The following CHEK1 variants were observed in gnomAD, a reference collection of about 807,000 sequenced individuals.
CHEK1 encodes serine/threonine-protein kinase Chk1.
A neutral mutation model predicts 60.2 loss-of-function variants in CHEK1; 32 were observed. The ratio of observed to expected loss-of-function variants is 0.53; its 90% CI spans 0.40 to 0.71. The LOEUF is 0.71. Among genes scored for constraint, CHEK1 ranks in the 30% least tolerant of loss-of-function variants. CHEK1 has a pLI of 0.00. For missense variants in CHEK1, 399 were observed against 564.6 expected (o/e 0.71, Z 2.97); for synonymous variants, 179 against 187.2 (o/e 0.96, Z 0.36).
chr11:125,670,150 C>T (rs761884136), intron 13 of CHEK1, among the ~76,000 whole-genome samples: 14 of 152,194 alleles, frequency 9.2e-5, no homozygotes, highest in African/African-American at 1.4e-4. Flanking sequence ...AATTATTGCA[C>T]TTCTTAGTAC....
Position 125,635,832 on chromosome 11 carries a change from C to T in CHEK1, c.718+299C>T, listed in dbSNP as rs191096046. On this transcript the variant is annotated intron_variant, in intron 7 of 12. Transcript: ENST00000438015. ...TGCTATACTTTGTTGCAAATACACT[C>T]GTTTGTTGCTTAATTATAGGGATGC... The T allele has an allele frequency of 8.8e-4, 154 of 174,958 alleles. 2 individuals are homozygous for T. The highest frequency in any genetic ancestry group is 4.9e-3 in the Middle Eastern group (2 of 412). The allele number at this position is 174,958 out of a possible 1,614,324, so 10.8% of individuals were successfully genotyped here.
intron 8 of CHEK1, among the ~76,000 whole-genome samples, chr11:125,642,132 T>G (rs905886413): frequency 3.3e-5 from 5 of 152,230 alleles, no homozygotes; most frequent in Admixed American, 2.6e-4. Context: ...CCCATGGGAC[T>G]TATTTGCATG....
rs1450148898 is a variant in CHEK1, at chr11:125,656,013, T to C, written c.*693T>C. 1 of 209,914 alleles carries C rather than the reference T, an allele frequency of 4.8e-6. No individual in the cohort carries two copies. Among genetic ancestry groups the C allele is most frequent in the East Asian group, 7.3e-5 (1 of 13,750 alleles). The allele number at this position is 209,914 out of a possible 1,614,324, so 13.0% of individuals were successfully genotyped here. On this transcript the variant is annotated 3_prime_UTR_variant, in exon 13 of 13. Transcript: ENST00000438015. Reference sequence around the variant, plus strand: ...ATCTTAAATATTTTTCTATATTTTCTACTTTCATAGCCATATTTTAACCTT... The same window carrying C: ...ATCTTAAATATTTTTCTATATTTTCCACTTTCATAGCCATATTTTAACCTT...
At chr11:125,652,875 T>A (rs908361168) in intron 11 of CHEK1, among the ~76,000 whole-genome samples, 58 of 152,312 alleles carry the variant, frequency 3.8e-4, no homozygotes, top group African/African-American at 1.3e-3. Flanking sequence ...ACTCTATTAT[T>A]GTTAAGTATA....
downstream of CHEK1, among the ~76,000 whole-genome samples, chr11:125,658,817 G>C (rs1325751113): frequency 6.6e-6 from 1 of 150,396 alleles, no homozygotes; most frequent in African/African-American, 2.4e-5. Context: ...AGCCTTCTGA[G>C]CTGGGACTAT....
Position 125,644,838 on chromosome 11 carries a change from G to C in CHEK1, c.1233+195G>C, listed in dbSNP as rs970008781. ...AGCCTGGCCAACATGGTAAGACCCT[G>C]TCTCTACTAAAAGCACAAAAATTAG... On this transcript the variant is annotated intron_variant, in intron 11 of 12. Transcript: ENST00000438015. Among the ~76,000 whole-genome samples the C allele has an allele frequency of 8.5e-5, 13 of 152,164 alleles. No individual in the cohort carries two copies. In the Middle Eastern group the frequency reaches 0.01, roughly 119 times the overall value.
chr11:125,676,039 C>G (rs1369587184), exon 14 of CHEK1: 2 of 212,392 alleles, frequency 9.4e-6, no homozygotes, highest in African/African-American at 4.5e-5. Context: ...TTCCAAGTAG[C>G]TGGGATTACA....
chr11:125,650,687 C>A (rs747566428), intron 11 of CHEK1, among the ~76,000 whole-genome samples: 7 of 152,062 alleles, frequency 4.6e-5, no homozygotes, highest in Non-Finnish European at 1.0e-4. Flanking sequence ...CTCCTGACCT[C>A]AGGTGGCTGG....
chr11:125,676,320 G>A, downstream of CHEK1: 1 of 1,612,104 alleles, frequency 6.2e-7, no homozygotes. Context: ...AAGTTGATGT[G>A]TTCTCAGGCA....
At chr11:125,673,423 G>A (rs1400610239) in intron 13 of CHEK1, among the ~76,000 whole-genome samples, 8 of 151,924 alleles carry the variant, frequency 5.3e-5, no homozygotes, top group Non-Finnish European at 1.0e-4. Flanking sequence ...GGCTGGTCTC[G>A]ATCTCCTGAC....
chr11:125,630,113 T>G (rs201272645), intron 5 of CHEK1, among the ~76,000 whole-genome samples: 2 of 152,220 alleles, frequency 1.3e-5, no homozygotes, highest in East Asian at 3.8e-4. Context: ...GTTCACTCTT[T>G]TTTTATGTAT....
chr11:125,673,964 G>C (rs550782816), intron 13 of CHEK1, among the ~76,000 whole-genome samples: 1 of 152,264 alleles, frequency 6.6e-6, no homozygotes, highest in East Asian at 1.9e-4. Context: ...TTCAAGACCA[G>C]CCTGGCCAAA....
chr11:125,651,286 C>CTTTTT (rs59057522), intron 11 of CHEK1, among the ~76,000 whole-genome samples: 1 of 128,164 alleles, frequency 7.8e-6, no homozygotes, highest in African/African-American at 3.0e-5. Flanking sequence ...AGACAAGCCT[C>CTTTTT]TTTTTTTTTT....
intron 5 of CHEK1, among the ~76,000 whole-genome samples, chr11:125,629,667 G>T (rs1022583559): frequency 6.6e-6 from 1 of 152,040 alleles, no homozygotes; most frequent in Non-Finnish European, 1.5e-5. Context: ...CAATACAAGT[G>T]CGGATCAGGT....
Position 125,625,361 on chromosome 11 carries a change from C to A in CHEK1, c.-672C>A. 4.0e-6 allele frequency: 1 copy of A among 252,114 alleles called. No homozygotes were observed. Among genetic ancestry groups the A allele is most frequent in the East Asian group, 5.8e-5 (1 of 17,278 alleles). The allele number at this position is 252,114 out of a possible 1,614,324, so 15.6% of individuals were successfully genotyped here. A position where few individuals can be genotyped will look rare whatever the true frequency, so the allele number is the denominator to read the frequency against. On this transcript the variant is annotated 5_prime_UTR_variant, in exon 1 of 13. Coordinates refer to ENST00000438015, the MANE Select transcript of CHEK1 (RefSeq NM_001114122.3). ...GCTCGCTTTCTCCGGGAAACTTGCCCCGCCACACACACTTGACTGCGTGGC... is the reference window on the plus strand; with the variant it reads ...GCTCGCTTTCTCCGGGAAACTTGCCACGCCACACACACTTGACTGCGTGGC...
chr11:125,667,446 A>G (rs982511815), intron 13 of CHEK1, among the ~76,000 whole-genome samples: 12 of 152,204 alleles, frequency 7.9e-5, no homozygotes, highest in African/African-American at 2.4e-4. Flanking sequence ...GTTTATAAAA[A>G]TGCTAGTGAT....
At chr11:125,646,646 C>T (rs1280839205) in intron 11 of CHEK1, among the ~76,000 whole-genome samples, 2 of 152,130 alleles carry the variant, frequency 1.3e-5, no homozygotes, top group Non-Finnish European at 2.9e-5. Context: ...ACTGCCTCCC[C>T]TTTTTGCTAT....
At chr11:125,638,554 T>C (rs1414603692) in intron 8 of CHEK1, among the ~76,000 whole-genome samples, 1 of 152,174 alleles carries the variant, frequency 6.6e-6, no homozygotes, top group Non-Finnish European at 1.5e-5. Context: ...TCTCTGCATG[T>C]TTCTTCCTCC....
chr11:125,651,064 G>A lies in CHEK1; in HGVS notation c.1234-2682G>A, dbSNP rs778132075. 2.6e-5 allele frequency among the ~76,000 whole-genome samples: 4 copies of A among 151,986 alleles called. No individual in the cohort carries two copies. In the South Asian group the frequency reaches 8.3e-4, roughly 32 times the overall value. ...ATGGGTGTGTCTTTTTAGATTCCCA[G>A]GTATATGTTGGACCTTTTCAGAGTC... On this transcript the variant is annotated intron_variant, in intron 11 of 12. Transcript: ENST00000438015.
Sources: allele counts gnomAD v4.1 joint callset (sites outside exome capture counted in the v4.1 genomes callset), GRCh38; gene constraint gnomAD v4.1.1; transcripts MANE v1.5; gene names NCBI Gene and HGNC (gene_info 2026-07-23, HGNC 2026-07-21).